The following DNMBP variants were observed in gnomAD, a reference collection of about 807,000 sequenced individuals.
The protein encoded by DNMBP is dynamin binding protein.
In DNMBP, 87 loss-of-function variants were observed where a neutral mutation model predicts 150.0. That is an observed-to-expected ratio of 0.58 (90% CI 0.49 to 0.69). The LOEUF (loss-of-function observed/expected upper bound fraction) is 0.69. DNMBP is among the 30% of genes least tolerant of loss of function. The pLI is 0.00. For missense variants in DNMBP, 1,774 were observed against 1,949.0 expected, an observed-to-expected ratio of 0.91 and a Z score of 1.69; for synonymous variants, 711 against 750.4, an observed-to-expected ratio of 0.95 and a Z score of 0.86.
intron 4 of DNMBP, chr10:99,930,793 C>CT (rs1298351397): frequency 1.6e-6 from 1 of 626,886 alleles, no homozygotes; most frequent in Admixed American, 2.8e-5. Context: ...AAAGGTTTTA[C>CT]TATTCTTTTC....
chr10:99,882,390 T>C (rs1445107697), intron 15 of DNMBP, among the ~76,000 whole-genome samples: 1 of 152,142 alleles, frequency 6.6e-6, no homozygotes, highest in Non-Finnish European at 1.5e-5. Context: ...AATGACAAGT[T>C]TATAGCCTGG....
intron 12 of DNMBP, among the ~76,000 whole-genome samples, chr10:99,887,747 C>A (rs1270195009): frequency 1.3e-5 from 2 of 152,266 alleles, no homozygotes; most frequent in African/African-American, 4.8e-5. Context: ...CAAACCCCAT[C>A]CAGTTTTTTC....
Position 99,898,298 on chromosome 10 carries a change from G to GA in DNMBP, c.2721-14dup, listed in dbSNP as rs757808433. On this transcript the variant is annotated splice_polypyrimidine_tract_variant and intron_variant, in intron 8 of 16. Coordinates refer to ENST00000324109, the MANE Select transcript of DNMBP (RefSeq NM_015221.4). ...ATTTGTGCATCCCCTGTAAGAGAAG[G>GA]AAAAAAGACTTTAGTAAGCTATCAA... 4 of 1,600,450 alleles carry GA rather than the reference G, an allele frequency of 2.5e-6. No individual in the cohort carries two copies. Among genetic ancestry groups the GA allele is most frequent in the Non-Finnish European group, 3.4e-6 (4 of 1,169,948 alleles).
chr10:99,880,320 T>C lies in DNMBP; in HGVS notation c.4039A>G (p.Asn1347Asp), dbSNP rs1465211207. The change falls in exon 16 of 17, where the codon AAT (asparagine) becomes GAT (aspartate). Residue 1347 changes from asparagine to aspartate, a missense_variant. Coordinates refer to ENST00000324109, the MANE Select transcript of DNMBP (RefSeq NM_015221.4). ...GCATCGGAGTGGCTGCGGCGAGGAT[T>C]GTAGGGCTTTAGGAAAGAGCTGTAC... ...FVYSSFLKPY[N>D]PRRSHSDASV... 6.2e-7 allele frequency: 1 copy of C among 1,610,076 alleles called. No homozygotes were observed. Among genetic ancestry groups the C allele is most frequent in the Admixed American group, 1.7e-5 (1 of 59,954 alleles).
intron 1 of DNMBP, among the ~76,000 whole-genome samples, chr10:99,990,702 CATATATACACACAT>C (rs2040877437): frequency 6.7e-6 from 1 of 149,706 alleles, no homozygotes; most frequent in East Asian, 1.9e-4. Flanking sequence ...TATACACACA[CATATATACACACAT>C]ATACACACAA....
At chr10:99,880,705 G>A (rs189381643) in intron 15 of DNMBP, among the ~76,000 whole-genome samples, 245 of 152,314 alleles carry the variant, frequency 1.6e-3, no homozygotes, top group African/African-American at 5.4e-3. Context: ...TCTGGGAACC[G>A]GCATGGGAAG....
intron 1 of DNMBP, among the ~76,000 whole-genome samples, chr10:100,005,037 T>A (rs1806052658): frequency 6.6e-6 from 1 of 152,100 alleles, no homozygotes; most frequent in Non-Finnish European, 1.5e-5. Context: ...CAAAGAAATA[T>A]AAATTAAAAC....
At chr10:99,903,339 T>C (rs1388631085) in intron 6 of DNMBP, among the ~76,000 whole-genome samples, 2 of 151,498 alleles carry the variant, frequency 1.3e-5, no homozygotes, top group Non-Finnish European at 2.9e-5. Context: ...TTTTTTGTTT[T>C]GTTTTTTTTT....
chr10:99,899,926 C>T lies in DNMBP; in HGVS notation c.2695G>A (p.Asp899Asn). 1.2e-6 allele frequency: 2 copies of T among 1,614,144 alleles called. 1 individual carries two copies. Among genetic ancestry groups the T allele is most frequent in the South Asian group, 2.2e-5 (2 of 91,080 alleles). Reference protein sequence around the residue: ...IQKHLQDSLADLKSLYNEWGC... With the variant: ...IQKHLQDSLANLKSLYNEWGC... ...AGTGGTCAAAACTCCTACTTCAGAT[C>T]TGCCAAGGAGTCCTGAAGATGCTTC... Residue 899 changes from aspartate to asparagine, a missense_variant, in exon 7 of 17, where the codon GAT becomes AAT. By Grantham distance (23) the Asp-to-Asn change is conservative (BLOSUM62 1). Transcript: ENST00000324109.
At chr10:99,952,751 T>TC (rs2040438765) in intron 4 of DNMBP, among the ~76,000 whole-genome samples, 1 of 152,234 alleles carries the variant, frequency 6.6e-6, no homozygotes, top group Admixed American at 6.5e-5. Context: ...TTACTTGATT[T>TC]CCAATAATAC....
chr10:99,971,860 CTTTTTTTT>C, intron 2 of DNMBP, 112 bp downstream of exon 2: 1 of 706,360 alleles, frequency 1.4e-6, no homozygotes, highest in South Asian at 2.4e-5. Context: ...TTCTTTCTTT[CTTTTTTTT>C]TTTTTAAGAC....
chr10:99,928,902 G>T (rs546656113), intron 4 of DNMBP, among the ~76,000 whole-genome samples: 1 of 151,926 alleles, frequency 6.6e-6, no homozygotes. Flanking sequence ...CCAGTACTTT[G>T]GGAAGCAGAG....
chr10:99,903,942 AG>A (rs2039784082), intron 6 of DNMBP, among the ~76,000 whole-genome samples: 1 of 149,844 alleles, frequency 6.7e-6, no homozygotes, highest in Non-Finnish European at 1.5e-5. Context: ...TTTTCTGTAG[AG>A]ACGGGGTTTT....
At chr10:99,903,451 GC>G (rs1394548270) in intron 6 of DNMBP, among the ~76,000 whole-genome samples, 1 of 151,908 alleles carries the variant, frequency 6.6e-6, no homozygotes, top group East Asian at 1.9e-4. Flanking sequence ...TCTGCCCTCA[GC>G]CCCCCAAATA....
At chr10:99,980,823 T>C (rs2133365325) in intron 1 of DNMBP, among the ~76,000 whole-genome samples, 1 of 151,874 alleles carries the variant, frequency 6.6e-6, no homozygotes. Context: ...GATATTAAGC[T>C]AAGTGAAATC....
intron 1 of DNMBP, among the ~76,000 whole-genome samples, chr10:99,993,680 T>C (rs1368836785): frequency 6.6e-6 from 1 of 152,142 alleles, no homozygotes; most frequent in Non-Finnish European, 1.5e-5. Context: ...TGTGCACCTG[T>C]AGTCCTAGCT....
At chr10:99,998,316 G>A (rs1332529640) in intron 1 of DNMBP, among the ~76,000 whole-genome samples, 1 of 151,486 alleles carries the variant, frequency 6.6e-6, no homozygotes. Flanking sequence ...AGTGGCTCAC[G>A]CCTGTAATCC....
At chr10:99,930,143 A>G (rs1268535514) in intron 4 of DNMBP, 2 of 702,852 alleles carry the variant, frequency 2.8e-6, no homozygotes, top group African/African-American at 3.5e-5. Flanking sequence ...AACTCCCAGG[A>G]ACATGATATA....
In DNMBP at chr10:99,955,497, G is replaced by A; in HGVS notation, c.1977C>T (p.Ser659=). 6.2e-7 allele frequency: 1 copy of A among 1,600,134 alleles called. No homozygotes were observed. The highest frequency in any genetic ancestry group is 8.5e-7 in the Non-Finnish European group (1 of 1,172,804). The change falls in exon 4 of 17, where the codon TCC becomes TCT. Residue 659 remains serine, a synonymous_variant. Transcript: ENST00000324109. ...PSAQQRTNAV[S]PKLLSRHRPT... Reference sequence around the variant, plus strand: ...GACGGTGTCGAGATAGGAGCTTGGGGGATACCGCATTCGTTCTCTGCTGTG... The same window carrying A: ...GACGGTGTCGAGATAGGAGCTTGGGAGATACCGCATTCGTTCTCTGCTGTG...
Sources: allele counts gnomAD v4.1 joint callset (sites outside exome capture counted in the v4.1 genomes callset), GRCh38; gene constraint gnomAD v4.1.1; transcripts MANE v1.5; gene names NCBI Gene and HGNC (gene_info 2026-07-23, HGNC 2026-07-21).